TULP4: variants seen among roughly 807,000 people sequenced by gnomAD.
TULP4 encodes TUB like protein 4.
In TULP4, 16 loss-of-function variants were observed where a neutral mutation model predicts 129.0. The ratio of observed to expected loss-of-function variants is 0.12; its 90% CI spans 0.08 to 0.19. The LOEUF (loss-of-function observed/expected upper bound fraction) is 0.19, where lower values mean the gene tolerates loss of function less well. Among genes scored for constraint, TULP4 ranks in the 10% least tolerant of loss-of-function variants. The pLI is 1.00. For synonymous variants in TULP4, 998 were observed against 854.0 expected (o/e 1.17, Z -2.94); for missense variants, 1,842 against 2,059.1 (o/e 0.89, Z 2.04).
At chr6:158,433,931 G>T (rs960116802) in intron 3 of TULP4, among the ~76,000 whole-genome samples, 2 of 145,106 alleles carry the variant, frequency 1.4e-5, no homozygotes, top group Non-Finnish European at 3.1e-5. Context: ...AACAACAGAA[G>T]TGTATTTCTC....
Position 158,341,754 on chromosome 6 carries a change from T to C in TULP4, c.252+27486T>C, listed in dbSNP as rs139327766. ...TCAGATCTTTTGCCAATATTTTAAT[T>C]GTATTATTTATTTTTTCCTATTGAG... On this transcript the variant is annotated intron_variant, in intron 1 of 13. Coordinates refer to ENST00000367097, the MANE Select transcript of TULP4 (RefSeq NM_020245.5). Among the ~76,000 whole-genome samples, 78 of 152,332 alleles carry C rather than the reference T, an allele frequency of 5.1e-4. 2 individuals are homozygous for C. The East Asian group carries it at 0.014, about 27-fold the overall frequency.
At chr6:158,349,788 A>G (rs1311301396) in intron 1 of TULP4, among the ~76,000 whole-genome samples, 5 of 92,208 alleles carry the variant, frequency 5.4e-5, no homozygotes, top group Non-Finnish European at 6.2e-5. Flanking sequence ...TTCCTCCCAG[A>G]CGGGGCGGCC....
chr6:158,477,113 T>C (rs1779839829), intron 6 of TULP4, among the ~76,000 whole-genome samples: 1 of 152,172 alleles, frequency 6.6e-6, no homozygotes, highest in South Asian at 2.1e-4. Flanking sequence ...TTTGTCAGGA[T>C]GGGTGGTAAT....
In TULP4 at chr6:158,399,994, G is replaced by T. The variant is rs182981132; in HGVS notation, c.253-13071G>T. 1.4e-3 allele frequency among the ~76,000 whole-genome samples: 216 copies of T among 152,324 alleles called. 2 individuals carry two copies. Among genetic ancestry groups the T allele is most frequent in the African/African-American group, 4.8e-3 (201 of 41,562 alleles). On this transcript the variant is annotated intron_variant, in intron 1 of 13. Coordinates refer to ENST00000367097, the MANE Select transcript of TULP4 (RefSeq NM_020245.5). Reference sequence around the variant, plus strand: ...AGATCCCAGTGTTCAGGCAAGAGAAGGTGCTAGCTACCATTGTAGGCTGTT... The same window carrying T: ...AGATCCCAGTGTTCAGGCAAGAGAATGTGCTAGCTACCATTGTAGGCTGTT...
intron 1 of TULP4, among the ~76,000 whole-genome samples, chr6:158,376,890 G>A (rs1296077912): frequency 6.6e-6 from 1 of 152,206 alleles, no homozygotes; most frequent in Non-Finnish European, 1.5e-5. Flanking sequence ...AGGGACTCAG[G>A]GCAGCTGTCT....
intron 1 of TULP4, among the ~76,000 whole-genome samples, chr6:158,332,185 AAAAAAAAAAAAAAAAAT>A (rs1380934169): frequency 0.012 from 370 of 29,610 alleles, no homozygotes; most frequent in Middle Eastern, 0.029. Flanking sequence ...AAAAAAAAAA[AAAAAAAAAAAAAAAAAT>A]ATATATATAT....
intron 1 of TULP4, among the ~76,000 whole-genome samples, chr6:158,385,130 C>T (rs1777410528): frequency 6.6e-6 from 1 of 152,130 alleles, no homozygotes; most frequent in Non-Finnish European, 1.5e-5. Flanking sequence ...GTATACCATT[C>T]AGTAATTACC....
In TULP4 at chr6:158,331,718, CACACACACACAT is replaced by C. The variant is rs1419759278; in HGVS notation, c.252+17453_252+17464del. ...ACACACACACACACACACACACACA[CACACACACACAT>C]ACGTATATATATACGTGTATATACA... On this transcript the variant is annotated intron_variant, in intron 1 of 13. Transcript: ENST00000367097. Among the ~76,000 whole-genome samples the C allele has an allele frequency of 1.7e-3, 82 of 48,348 alleles. 24 individuals carry two copies. The highest frequency in any genetic ancestry group is 3.8e-3 in the Admixed American group (13 of 3,446). The allele number at this position is 48,348 out of a possible 152,430, so 31.7% of individuals were successfully genotyped here.
intron 2 of TULP4, among the ~76,000 whole-genome samples, chr6:158,423,637 TTG>T (rs1416734997): frequency 0.017 from 773 of 45,952 alleles, 7 homozygotes; most frequent in African/African-American, 0.13. Flanking sequence ...TTGTTTTTTG[TTG>T]TTGTTGTTGT....
At chr6:158,506,540 T>C in intron 13 of TULP4, 38 bp from the exon 14 acceptor site, 1 of 1,427,644 alleles carries the variant, frequency 7.0e-7, no homozygotes. Flanking sequence ...CTTTTCACCT[T>C]ATTCTTTAAT....
rs897150634 is a variant in TULP4 at position 158,508,643 on chromosome 6, T to G, written c.*1949T>G. ...GCTTGATATGGTGTTTCAGTGCTTA[T>G]TGGTTGTGCAATAATGGTTATAGCC... On this transcript the variant is annotated 3_prime_UTR_variant, in exon 14 of 14. Transcript: ENST00000367097. 2.6e-5 allele frequency: 4 copies of G among 152,602 alleles called. No homozygotes were observed. The highest frequency in any genetic ancestry group is 9.7e-5 in the African/African-American group (4 of 41,432). 9.5% of individuals were successfully genotyped at this position (152,602 alleles called of 1,614,324 possible).
At chr6:158,421,338 G>A (rs537415326) in intron 2 of TULP4, among the ~76,000 whole-genome samples, 156 of 151,034 alleles carry the variant, frequency 1.0e-3, no homozygotes, top group African/African-American at 3.6e-3. Context: ...CTCCAGCCTG[G>A]GCCACAGAGC....
Position 158,503,998 on chromosome 6 carries a change from C to T in TULP4, c.4335C>T (p.Ala1445=), listed in dbSNP as rs769732353. Residue 1445 remains alanine, a synonymous_variant, in exon 13 of 14, where the codon GCC becomes GCT. Transcript: ENST00000367097. This position sits in a 1 kb window ranked among gnomAD's most constrained non-coding sequence, Gnocchi z 4.3. The part of the protein sequence containing the change: ...SPRAAGELEE[A]KCRRASEKED... Reference sequence around the variant, plus strand: ...GGGCCGCCGGCGAGCTGGAGGAGGCCAAGTGCCGGCGGGCCAGTGAGAAGG... The same window carrying T: ...GGGCCGCCGGCGAGCTGGAGGAGGCTAAGTGCCGGCGGGCCAGTGAGAAGG... 1.6e-5 allele frequency: 26 copies of T among 1,612,710 alleles called. No homozygotes were observed. The highest frequency in any genetic ancestry group is 1.7e-4 in the Middle Eastern group (1 of 6,060).
At chr6:158,424,441 G>T (rs1778428178) in intron 2 of TULP4, among the ~76,000 whole-genome samples, 2 of 151,918 alleles carry the variant, frequency 1.3e-5, no homozygotes, top group African/African-American at 2.4e-5. Flanking sequence ...GTAGAAACAG[G>T]GTTTCACCAT....
chr6:158,311,718 G>A (rs1243329142), upstream of TULP4, among the ~76,000 whole-genome samples: 1 of 152,182 alleles, frequency 6.6e-6, no homozygotes, highest in Non-Finnish European at 1.5e-5. Context: ...CTCTGGAGGG[G>A]TAGAGTCTCA....
In TULP4 at chr6:158,503,156, C is replaced by G; in HGVS notation, c.3493C>G (p.Arg1165Gly). 1 of 1,613,420 alleles carries G rather than the reference C, an allele frequency of 6.2e-7. No individual in the cohort carries two copies. Among genetic ancestry groups the G allele is most frequent in the Non-Finnish European group, 8.5e-7 (1 of 1,179,562 alleles). The change falls in exon 13 of 14, where the codon CGA becomes GGA. Residue 1165 changes from arginine (R) to glycine (G), a missense_variant. By Grantham distance (125) the Arg-to-Gly change is moderately radical (BLOSUM62 -2). Coordinates refer to ENST00000367097, the MANE Select transcript of TULP4 (RefSeq NM_020245.5). This position sits in a 1 kb window ranked among gnomAD's most constrained non-coding sequence, Gnocchi z 4.3. Reference sequence around the variant, plus strand: ...TCAGGGCCAGCACCTGGACGTGTCCCGACTGCCCTTCATCTCCCCCAAGTC... The same window carrying G: ...TCAGGGCCAGCACCTGGACGTGTCCGGACTGCCCTTCATCTCCCCCAAGTC... ...LSQGQHLDVS[R>G]LPFISPKSPA...
chr6:158,473,569 T>A (rs1779739502), intron 6 of TULP4, among the ~76,000 whole-genome samples: 1 of 152,212 alleles, frequency 6.6e-6, no homozygotes, highest in Non-Finnish European at 1.5e-5. Flanking sequence ...CTTAGGCTGG[T>A]GTGCAATGGC....
chr6:158,350,795 C>G (rs1349801052), intron 1 of TULP4, among the ~76,000 whole-genome samples: 1 of 150,730 alleles, frequency 6.6e-6, no homozygotes, highest in Non-Finnish European at 1.5e-5. Flanking sequence ...GAGTCTTGCT[C>G]TGTTGCCCAG....
At chr6:158,380,204 CTG>C (rs1777289276) in intron 1 of TULP4, among the ~76,000 whole-genome samples, 1 of 152,186 alleles carries the variant, frequency 6.6e-6, no homozygotes, top group African/African-American at 2.4e-5. Flanking sequence ...TACATTAAAA[CTG>C]TGATCAGTTG....
Sources: gnomAD v4.1 joint callset for allele counts (sites outside exome capture counted in the v4.1 genomes callset) on GRCh38, gnomAD v4.1.1 for gene constraint, Gnocchi (gnomAD v3.1) non-coding constraint, MANE v1.5 for transcripts, NCBI Gene and HGNC (gene_info 2026-07-23, HGNC 2026-07-21) for gene names.